CPA5: variants seen among roughly 807,000 people sequenced by gnomAD.
The protein encoded by CPA5 is carboxypeptidase A5, also known as testicular tissue protein Li 32.
A neutral mutation model predicts 52.2 loss-of-function variants in CPA5; 38 were observed. The observed-to-expected ratio is 0.73, with a 90% CI of 0.56 to 0.95. CPA5 has a LOEUF of 0.95. CPA5 is among the 40% of genes least tolerant of loss of function. The probability of loss-of-function intolerance (pLI) is 0.00; values close to 1 mark genes in which losing one functional copy is unlikely to be tolerated. For synonymous variants in CPA5, 198 were observed against 213.7 expected, an observed-to-expected ratio of 0.93 and a Z score of 0.64; for missense variants, 519 against 566.7, an observed-to-expected ratio of 0.92 and a Z score of 0.86.
chr7:130,362,087 A>T (rs1271460050), intron 7 of CPA5, among the ~76,000 whole-genome samples: 2 of 151,840 alleles, frequency 1.3e-5, no homozygotes, highest in Non-Finnish European at 2.9e-5. Flanking sequence ...CAAACCTCAG[A>T]CCCCTCCCCA....
In CPA5 at chr7:130,347,924, C is replaced by G. The variant is rs1409808663; in HGVS notation, c.198+77C>G. On this transcript the variant is annotated intron_variant, in intron 4 of 12. Transcript: ENST00000474905. ...CACATTTAGCTCCTTGTCCTGCCCC[C>G]CTTTATCCCAAACCTGCCCTCCTGA... 2.3e-5 allele frequency: 26 copies of G among 1,138,080 alleles called. No homozygotes were observed. In the African/African-American group the frequency reaches 2.6e-4, roughly 11 times the overall value. The allele number at this position is 1,138,080 out of a possible 1,614,324, so 70.5% of individuals were successfully genotyped here. A position where few individuals can be genotyped will look rare whatever the true frequency, so the allele number is the denominator to read the frequency against.
At chr7:130,350,389 C>A (rs530898997) in intron 5 of CPA5, among the ~76,000 whole-genome samples, 7 of 152,076 alleles carry the variant, frequency 4.6e-5, no homozygotes, top group African/African-American at 1.4e-4. Flanking sequence ...AGCAAAGGTG[C>A]GGGGAGAAGG....
chr7:130,356,749 G>A (rs1269286033), intron 5 of CPA5, among the ~76,000 whole-genome samples: 1 of 152,210 alleles, frequency 6.6e-6, no homozygotes, highest in Non-Finnish European at 1.5e-5. Flanking sequence ...GCTGTGTAGG[G>A]AAAATTGAGT....
chr7:130,368,770 A>C (rs534688389), downstream of CPA5: 191 of 635,658 alleles, frequency 3.0e-4, 1 homozygote, highest in South Asian at 3.8e-3. Context: ...CTATGGGCTC[A>C]GCACTGACAA....
Position 130,363,493 on chromosome 7 carries a change from G to A in CPA5, c.822G>A (p.Trp274Ter), listed in dbSNP as rs369291774. Reference sequence around the variant, plus strand: ...TCGGCGTGGATCTCAACAGGAACTGGAAGTCGGGTTTTGGAGGTATGGCAA... The same window carrying A: ...TCGGCGTGGATCTCAACAGGAACTGAAAGTCGGGTTTTGGAGGTATGGCAA... The part of the protein sequence containing the change: ...FCIGVDLNRN[W>*]KSGFGGNGSN... The change falls in exon 10 of 13, where the codon TGG becomes TGA. Residue 274 changes from tryptophan to a stop codon, truncating the protein, a stop_gained. Coordinates refer to ENST00000474905, the MANE Select transcript of CPA5 (RefSeq NM_080385.5). LOFTEE classifies it high-confidence loss of function. The A allele has an allele frequency of 6.3e-7, 1 of 1,585,860 alleles. No individual in the cohort carries two copies.
At chr7:130,359,235 T>C (rs920472790) in intron 5 of CPA5, among the ~76,000 whole-genome samples, 1 of 152,228 alleles carries the variant, frequency 6.6e-6, no homozygotes, top group Non-Finnish European at 1.5e-5. Flanking sequence ...CATTATTACA[T>C]TTTATCCTAT....
At chr7:130,363,336 AC>A in intron 9 of CPA5, 82 bp from the exon 10 acceptor site, 2 of 1,179,370 alleles carry the variant, frequency 1.7e-6, no homozygotes, top group East Asian at 2.6e-5. Context: ...AGGGTCCCCT[AC>A]CCCCATAGGC....
chr7:130,356,573 G>A (rs1795488358), intron 5 of CPA5, among the ~76,000 whole-genome samples: 1 of 152,224 alleles, frequency 6.6e-6, no homozygotes, highest in Admixed American at 6.5e-5. Flanking sequence ...CCAGCTGTGA[G>A]GGCTGAGAAT....
chr7:130,373,317 G>T (rs1796312110), downstream of CPA5, among the ~76,000 whole-genome samples: 1 of 148,880 alleles, frequency 6.7e-6, no homozygotes, highest in Non-Finnish European at 1.5e-5. Context: ...CCAACAAACT[G>T]CTCTTTTTAG....
In CPA5 at chr7:130,350,101, G is replaced by A; in HGVS notation, c.325G>A (p.Asp109Asn). 3 of 1,611,734 alleles carry A rather than the reference G, an allele frequency of 1.9e-6. No homozygotes were observed. Among genetic ancestry groups the A allele is most frequent in the Non-Finnish European group, 2.5e-6 (3 of 1,179,264 alleles). Residue 109 changes from aspartate (D) to asparagine (N), a missense_variant, in exon 5 of 13, where the codon GAC becomes AAC. Asp to Asn is a conservative substitution (Grantham distance 23, BLOSUM62 1). Coordinates refer to ENST00000474905, the MANE Select transcript of CPA5 (RefSeq NM_080385.5). Reference sequence around the variant, plus strand: ...ACTTGCTTACAGCATCATGATAAAGGACATCCAGGTGAAGCCCTGCCCCAG... The same window carrying A: ...ACTTGCTTACAGCATCATGATAAAGAACATCCAGGTGAAGCCCTGCCCCAG... The part of the protein sequence containing the change: ...HGLAYSIMIK[D>N]IQVLLDEERQ...
chr7:130,368,000 C>A lies in CPA5; in HGVS notation c.1123+10C>A. The A allele has an allele frequency of 6.2e-7, 1 of 1,611,576 alleles. No individual in the cohort carries two copies. Among genetic ancestry groups the A allele is most frequent in the Non-Finnish European group, 8.5e-7 (1 of 1,177,650 alleles). The stretch of plus-strand genomic sequence containing the variant: ...ATCAGCACCACCCTCTGTGAGTGAG[C>A]CTCCCCTGGCCCTGCTTCAGACACC... On this transcript the variant is annotated intron_variant, in intron 12 of 12. Coordinates refer to ENST00000474905, the MANE Select transcript of CPA5 (RefSeq NM_080385.5).
chr7:130,361,572 C>T (rs1554406683), intron 7 of CPA5, among the ~76,000 whole-genome samples: 1 of 152,084 alleles, frequency 6.6e-6, no homozygotes, highest in Non-Finnish European at 1.5e-5. Flanking sequence ...ACCTCAGTTG[C>T]TTCATCTGTT....
At chr7:130,347,058 C>A (rs1385806691) in intron 3 of CPA5, among the ~76,000 whole-genome samples, 3 of 152,170 alleles carry the variant, frequency 2.0e-5, no homozygotes, top group African/African-American at 7.2e-5. Context: ...TACTTTGAGC[C>A]TCTCCAAGGT....
At chr7:130,362,589 G>A in intron 8 of CPA5, 50 bp downstream of exon 8, 2 of 1,345,206 alleles carry the variant, frequency 1.5e-6, no homozygotes, top group Non-Finnish European at 2.1e-6. Context: ...GGCTGCAACT[G>A]GGGGCAGGAA....
intron 10 of CPA5, among the ~76,000 whole-genome samples, chr7:130,363,733 A>G (rs967720818): frequency 6.6e-6 from 1 of 152,152 alleles, no homozygotes; most frequent in East Asian, 1.9e-4. Flanking sequence ...ACATGTGCCA[A>G]ACCTTCACGG....
chr7:130,365,807 T>TC (rs1416311173), intron 10 of CPA5, among the ~76,000 whole-genome samples: 6 of 152,092 alleles, frequency 3.9e-5, no homozygotes, highest in African/African-American at 1.4e-4. Context: ...GCCTTCAACC[T>TC]CCCCCCGCTC....
chr7:130,349,497 T>G (rs931129071), intron 4 of CPA5, among the ~76,000 whole-genome samples: 5 of 152,172 alleles, frequency 3.3e-5, no homozygotes, highest in South Asian at 4.1e-4. Context: ...TAAAATCTAG[T>G]ATTTAATAGC....
Position 130,347,799 on chromosome 7 carries a change from G to A in CPA5, c.150G>A (p.Glu50=), listed in dbSNP as rs1554402716. The A allele has an allele frequency of 6.2e-7, 1 of 1,614,048 alleles. No individual in the cohort carries two copies. The highest frequency in any genetic ancestry group is 8.5e-7 in the Non-Finnish European group (1 of 1,180,000). ...DQVLRVLAKD[E]KQLSLLGDLE... ...TTCTTCGAGTCCTGGCCAAAGATGAGAAGCAGCTTTCACTTCTCGGGGATC... is the reference window on the plus strand; with the variant it reads ...TTCTTCGAGTCCTGGCCAAAGATGAAAAGCAGCTTTCACTTCTCGGGGATC... The change falls in exon 4 of 13, where the codon GAG becomes GAA. Residue 50 remains glutamate (E), a synonymous_variant. Coordinates refer to ENST00000474905, the MANE Select transcript of CPA5 (RefSeq NM_080385.5).
intron 5 of CPA5, among the ~76,000 whole-genome samples, chr7:130,350,893 C>G (rs781144859): frequency 1.3e-5 from 2 of 152,236 alleles, no homozygotes; most frequent in African/African-American, 4.8e-5. Context: ...ATTGGTTAAG[C>G]CTCCCCGGCT....
Sources: gnomAD v4.1 joint callset for allele counts (sites outside exome capture counted in the v4.1 genomes callset) on GRCh38, gnomAD v4.1.1 for gene constraint, MANE v1.5 for transcripts, NCBI Gene and HGNC (gene_info 2026-07-23, HGNC 2026-07-21) for gene names.